The following RASA2 variants were observed in gnomAD, a reference collection of about 807,000 sequenced individuals.
The protein encoded by RASA2 is ras GTPase-activating protein 2.
In RASA2, 155 loss-of-function variants were observed where a neutral mutation model predicts 118.2. The ratio of observed to expected loss-of-function variants is 1.31; its 90% CI spans 1.15 to 1.50. The LOEUF (loss-of-function observed/expected upper bound fraction) is 1.50. Among genes scored for constraint, RASA2 ranks in the 40% most tolerant of loss-of-function variants. The pLI, the probability that RASA2 is intolerant of heterozygous loss-of-function variation, is 0.00. For synonymous variants in RASA2, 353 were observed against 349.1 expected (o/e 1.01, Z -0.12); for missense variants, 1,016 against 1,009.6 (o/e 1.01, Z -0.09).
intron 17 of RASA2, among the ~76,000 whole-genome samples, chr3:141,585,182 C>T (rs1187370087): frequency 6.6e-6 from 1 of 152,112 alleles, no homozygotes; most frequent in East Asian, 1.9e-4. Context: ...TTTCAGAATT[C>T]AGTTTTTCAG....
chr3:141,487,476 C>T (rs1559983888), intron 1 of RASA2, among the ~76,000 whole-genome samples: 1 of 151,028 alleles, frequency 6.6e-6, no homozygotes, highest in Non-Finnish European at 1.5e-5. Context: ...GCCCGGGCTG[C>T]GCCGGCGTGA....
Position 141,516,079 on chromosome 3 carries a change from A to C in RASA2, c.252-249A>C, listed in dbSNP as rs113989045. ...GGTGGGGGGAGGGGGGAGGGATAGCATTAGGAGATATACCTAATGTAAATG... is the reference window on the plus strand; with the variant it reads ...GGTGGGGGGAGGGGGGAGGGATAGCCTTAGGAGATATACCTAATGTAAATG... On this transcript the variant is annotated intron_variant, in intron 2 of 23. Transcript: ENST00000286364. 0.02 allele frequency among the ~76,000 whole-genome samples: 2,903 copies of C among 148,368 alleles called. 111 individuals are homozygous for C. The highest frequency in any genetic ancestry group is 0.068 in the African/African-American group (2,718 of 39,826).
chr3:141,567,805 G>A (rs981428401), intron 9 of RASA2, among the ~76,000 whole-genome samples: 2 of 152,170 alleles, frequency 1.3e-5, no homozygotes, highest in African/African-American at 4.8e-5. Flanking sequence ...TAGTACAAAT[G>A]TTGAACAATT....
At chr3:141,499,831 C>T (rs1194514896) in intron 1 of RASA2, among the ~76,000 whole-genome samples, 2 of 152,214 alleles carry the variant, frequency 1.3e-5, no homozygotes, top group South Asian at 4.1e-4. Context: ...TCTCCTGACC[C>T]GCCCACCTCG....
At chr3:141,609,785 A>G (rs1360404921) in intron 22 of RASA2, 92 bp from the exon 23 acceptor site, 9 of 1,228,098 alleles carry the variant, frequency 7.3e-6, no homozygotes, top group African/African-American at 1.5e-5. Context: ...TCCCCTCAGC[A>G]TAAGACACTT....
intron 9 of RASA2, among the ~76,000 whole-genome samples, chr3:141,569,565 A>G (rs1216369629): frequency 6.6e-6 from 1 of 152,198 alleles, no homozygotes; most frequent in Non-Finnish European, 1.5e-5. Context: ...TATCCCCCCA[A>G]AAAGGAAATA....
chr3:141,612,547 C>T lies in RASA2; in HGVS notation c.*234C>T, dbSNP rs2083668583. ...CCCTTCATACCTGTGTGACCAAATC[C>T]ATGTTTCTGCAACTTCTTTTTAATC... On this transcript the variant is annotated 3_prime_UTR_variant, in exon 24 of 24. Transcript: ENST00000286364. 5.2e-6 allele frequency: 2 copies of T among 382,722 alleles called. No homozygotes were observed. Among genetic ancestry groups the T allele is most frequent in the African/African-American group, 4.2e-5 (2 of 47,078 alleles). 23.7% of individuals were successfully genotyped at this position (382,722 alleles called of 1,614,324 possible). A position where few individuals can be genotyped will look rare whatever the true frequency, so the allele number is the denominator to read the frequency against.
At chr3:141,600,581 C>A (rs751027360) in intron 19 of RASA2, 1 of 253,174 alleles carries the variant, frequency 3.9e-6, no homozygotes, top group Non-Finnish European at 7.8e-6. Flanking sequence ...TTCTCCTTGA[C>A]GGGTGCAGGG....
intron 17 of RASA2, among the ~76,000 whole-genome samples, chr3:141,584,060 C>T (rs1487376759): frequency 2.6e-5 from 4 of 151,960 alleles, no homozygotes; most frequent in African/African-American, 9.7e-5. Context: ...CAGCCAGGCA[C>T]GGTGGCTTAC....
In RASA2 at chr3:141,608,574, G is replaced by T; in HGVS notation, c.2102G>T (p.Cys701Phe). The T allele has an allele frequency of 6.2e-7, 1 of 1,613,974 alleles. No individual in the cohort carries two copies. The highest frequency in any genetic ancestry group is 8.5e-7 in the Non-Finnish European group (1 of 1,179,896). Residue 701 changes from cysteine to phenylalanine, a missense_variant, in exon 21 of 24, where the codon TGC becomes TTC. Transcript: ENST00000286364. Reference protein sequence around the residue: ...VEANEWIDVLCRVSRCNQNRL... With the variant: ...VEANEWIDVLFRVSRCNQNRL... ...GCTAATGAATGGATAGACGTACTCTGCAGGGTGAGCCGATGCAATCAAAAC... is the reference window on the plus strand; with the variant it reads ...GCTAATGAATGGATAGACGTACTCTTCAGGGTGAGCCGATGCAATCAAAAC...
Position 141,555,164 on chromosome 3 carries a change from G to A in RASA2, c.612-676G>A, listed in dbSNP as rs370573764. ...TAATCCCAGCTACTCGGGAGGCTGA[G>A]GCAGGAGAATCGCTTGAACCCTGAG... On this transcript the variant is annotated intron_variant, in intron 6 of 23. Transcript: ENST00000286364. Among the ~76,000 whole-genome samples, 4 of 152,350 alleles carry A rather than the reference G, an allele frequency of 2.6e-5. No homozygotes were observed. In the South Asian group the frequency reaches 6.2e-4, roughly 24 times the overall value.
chr3:141,498,327 G>A (rs72990332), intron 1 of RASA2, among the ~76,000 whole-genome samples: 245 of 152,302 alleles, frequency 1.6e-3, no homozygotes, highest in African/African-American at 5.7e-3. Context: ...AAAGCTGCCT[G>A]TGAGATGATA....
chr3:141,518,273 T>C (rs1238626000), intron 3 of RASA2, among the ~76,000 whole-genome samples: 1 of 151,002 alleles, frequency 6.6e-6, no homozygotes, highest in East Asian at 2.0e-4. Flanking sequence ...GATCACGAGG[T>C]CAGGAGTTCA....
At chr3:141,516,046 T>C (rs1238146488) in intron 2 of RASA2, among the ~76,000 whole-genome samples, 2 of 110,594 alleles carry the variant, frequency 1.8e-5, no homozygotes, top group East Asian at 2.7e-4. Context: ...CACTGGGGCC[T>C]GTTGTGGGGT....
Position 141,529,807 on chromosome 3 carries a change from A to G in RASA2, c.450+5A>G. 1 of 1,580,428 alleles carries G rather than the reference A, an allele frequency of 6.3e-7. No homozygotes were observed. Among genetic ancestry groups the G allele is most frequent in the Non-Finnish European group, 8.7e-7 (1 of 1,151,496 alleles). On this transcript the variant is annotated splice_donor_5th_base_variant and intron_variant, in intron 4 of 23. Coordinates refer to ENST00000286364, the MANE Select transcript of RASA2 (RefSeq NM_006506.5). ...GACTCCAATTCAGAGGTTCAGGTAA[A>G]TATTAAGGCTTATGTAATACAAGAG...
intron 9 of RASA2, among the ~76,000 whole-genome samples, chr3:141,562,760 C>T (rs114156264): frequency 0.027 from 4,135 of 152,004 alleles, 201 homozygotes; most frequent in African/African-American, 0.095. Flanking sequence ...GCAATCTCCA[C>T]CTCCCGAGTT....
chr3:141,507,278 G>C (rs187070654), intron 1 of RASA2, among the ~76,000 whole-genome samples: 4 of 152,194 alleles, frequency 2.6e-5, no homozygotes, highest in Admixed American at 1.3e-4. Context: ...CTAATTTGTT[G>C]GAAACAAAGG....
chr3:141,582,046 A>G (rs574409662), intron 17 of RASA2, among the ~76,000 whole-genome samples: 1 of 152,334 alleles, frequency 6.6e-6, no homozygotes, highest in South Asian at 2.1e-4. Context: ...GGGCCTGAAG[A>G]AAGTACTGTA....
intron 19 of RASA2, chr3:141,590,239 T>C (rs1382390472): frequency 1.1e-5 from 5 of 442,446 alleles, no homozygotes; most frequent in African/African-American, 1.0e-4. Flanking sequence ...TGCTTAAAGG[T>C]GTGTGCAACT....
Sources: gnomAD v4.1 joint callset for allele counts (sites outside exome capture counted in the v4.1 genomes callset) on GRCh38, gnomAD v4.1.1 for gene constraint, MANE v1.5 for transcripts, NCBI Gene and HGNC (gene_info 2026-07-23, HGNC 2026-07-21) for gene names.